MGST1: variants seen among roughly 807,000 people sequenced by gnomAD.
MGST1 encodes glutathione S-transferase 12.
Under a neutral mutation model 8.9 loss-of-function variants are expected in MGST1, and 5 were observed. The observed-to-expected ratio is 0.56, with a 90% CI of 0.29 to 1.19. The LOEUF is 1.19. Ranked by LOEUF, MGST1 falls within the 50% of genes most tolerant of loss-of-function variation. The pLI is 0.08. For missense variants in MGST1, 182 were observed against 187.4 expected, an observed-to-expected ratio of 0.97 and a Z score of 0.17; for synonymous variants, 54 against 67.8, an observed-to-expected ratio of 0.80 and a Z score of 1.00.
Position 16,560,554 on chromosome 12 carries a change from T to C in MGST1, n.483-28974T>C. 1 of 647,478 alleles carries C rather than the reference T, an allele frequency of 1.5e-6. No individual in the cohort carries two copies. Among genetic ancestry groups the C allele is most frequent in the Non-Finnish European group, 2.0e-6 (1 of 487,970 alleles). 40.1% of individuals were successfully genotyped at this position (647,478 alleles called of 1,614,324 possible). On this transcript the variant is annotated intron_variant and non_coding_transcript_variant, in intron 4 of 4. Coordinates refer to the MGST1 transcript ENST00000538857. This position sits in a 1 kb window ranked among gnomAD's most constrained non-coding sequence, Gnocchi z 5.0. ...ACCAAAGAGCCTAGAATAAGAAACATTTTTTTTTTTTTACAAACTCTTACA... is the reference window on the plus strand; with the variant it reads ...ACCAAAGAGCCTAGAATAAGAAACACTTTTTTTTTTTTACAAACTCTTACA...
chr12:16,563,069 G>A (rs1942457981), intron 4 of MGST1, among the ~76,000 whole-genome samples: 1 of 151,728 alleles, frequency 6.6e-6, no homozygotes, highest in Non-Finnish European at 1.5e-5. Context: ...CTGCCTCGCT[G>A]GAGGCTCCAT....
intron 4 of MGST1, among the ~76,000 whole-genome samples, chr12:16,471,727 G>A (rs1311712268): frequency 6.6e-6 from 1 of 152,170 alleles, no homozygotes; most frequent in Non-Finnish European, 1.5e-5. Context: ...GATAGTAGAA[G>A]AAAAATTCTA....
At chr12:16,357,154 G>A (rs1447999969) in intron 2 of MGST1, among the ~76,000 whole-genome samples, 1 of 152,020 alleles carries the variant, frequency 6.6e-6, no homozygotes, top group Non-Finnish European at 1.5e-5. Flanking sequence ...TTCTCCTCTT[G>A]TGTTTGATTT....
rs1354559625 is a variant in MGST1, at chr12:16,537,748, G to C, written n.483-51780G>C. Reference sequence around the variant, plus strand: ...TGTACCTTGGCCACTTTTAACAACAGCTGGAGCAGCTGGGATGCAGGGCAC... The same window carrying C: ...TGTACCTTGGCCACTTTTAACAACACCTGGAGCAGCTGGGATGCAGGGCAC... On this transcript the variant is annotated intron_variant and non_coding_transcript_variant, in intron 4 of 4. Coordinates refer to the MGST1 transcript ENST00000538857. This position sits in a 1 kb window ranked among gnomAD's most constrained non-coding sequence, Gnocchi z 4.6. Among the ~76,000 whole-genome samples, 3 of 152,192 alleles carry C rather than the reference G, an allele frequency of 2.0e-5. No homozygotes were observed. Among genetic ancestry groups the C allele is most frequent in the African/African-American group, 7.2e-5 (3 of 41,460 alleles).
At chr12:16,551,979 C>G (rs1399294699) in intron 4 of MGST1, among the ~76,000 whole-genome samples, 1 of 151,902 alleles carries the variant, frequency 6.6e-6, no homozygotes, top group Admixed American at 6.6e-5. Context: ...TAGAGCACTT[C>G]CAATTCAACC....
intron 1 of MGST1, among the ~76,000 whole-genome samples, chr12:16,433,848 C>G (rs1940960607): frequency 6.6e-6 from 1 of 152,082 alleles, no homozygotes; most frequent in Admixed American, 6.6e-5. Context: ...ATGTATGTTT[C>G]TACCTCTCTT....
intron 4 of MGST1, among the ~76,000 whole-genome samples, chr12:16,502,897 C>T (rs1181021466): frequency 2.0e-5 from 3 of 152,168 alleles, no homozygotes; most frequent in Non-Finnish European, 4.4e-5. Flanking sequence ...CATGTCTTGC[C>T]ACTTTCAATC....
intron 4 of MGST1, among the ~76,000 whole-genome samples, chr12:16,501,850 T>C (rs1941507621): frequency 6.6e-6 from 1 of 152,276 alleles, no homozygotes; most frequent in South Asian, 2.1e-4. Context: ...ATCATTACTT[T>C]ATATGATATC....
At chr12:16,402,705 C>G (rs1262941317) in intron 1 of MGST1, among the ~76,000 whole-genome samples, 1 of 151,844 alleles carries the variant, frequency 6.6e-6, no homozygotes, top group Non-Finnish European at 1.5e-5. Flanking sequence ...CATTTACTTT[C>G]ACCTTCTCAG....
chr12:16,425,418 G>A (rs1382101614), intron 1 of MGST1, among the ~76,000 whole-genome samples: 1 of 152,048 alleles, frequency 6.6e-6, no homozygotes, highest in Non-Finnish European at 1.5e-5. Flanking sequence ...CAAGTAGTGA[G>A]ATTACAGATG....
At chr12:16,572,762 A>T (rs1278787203) in intron 4 of MGST1, among the ~76,000 whole-genome samples, 2 of 150,094 alleles carry the variant, frequency 1.3e-5, no homozygotes, top group East Asian at 3.9e-4. Flanking sequence ...AATAAACTAA[A>T]TATTTTTGTA....
intron 4 of MGST1, among the ~76,000 whole-genome samples, chr12:16,489,672 G>A (rs531507252): frequency 2.6e-5 from 4 of 152,300 alleles, no homozygotes; most frequent in Middle Eastern, 3.4e-3. Flanking sequence ...GAGATTAAAT[G>A]TCTTGTTGAA....
intron 4 of MGST1, among the ~76,000 whole-genome samples, chr12:16,562,697 C>T (rs539232298): frequency 3.3e-5 from 5 of 152,226 alleles, no homozygotes; most frequent in Non-Finnish European, 7.3e-5. Flanking sequence ...GCCTGCTATA[C>T]TGTGAACAAC....
intron 3 of MGST1, among the ~76,000 whole-genome samples, chr12:16,358,523 A>G (rs946301983): frequency 2.0e-5 from 3 of 151,456 alleles, no homozygotes; most frequent in South Asian, 2.1e-4. Flanking sequence ...CTGGAGTGCA[A>G]TGGTGTGATC....
chr12:16,477,501 T>G (rs1365073062), intron 4 of MGST1, among the ~76,000 whole-genome samples: 2 of 152,196 alleles, frequency 1.3e-5, no homozygotes, highest in African/African-American at 4.8e-5. Context: ...CAAAACAGAT[T>G]AATACAAATG....
rs1258164823 is a variant in MGST1, at chr12:16,517,304, A to G, written n.483-72224A>G. 2.0e-5 allele frequency among the ~76,000 whole-genome samples: 3 copies of G among 152,208 alleles called. No individual in the cohort carries two copies. In the East Asian group the frequency reaches 5.8e-4, roughly 29 times the overall value. ...AATAGTGTCAAGAGGTGGAAGCTTT[A>G]AAAGGTGATTAAGTCATAAGTTCTC... On this transcript the variant is annotated intron_variant and non_coding_transcript_variant, in intron 4 of 4. Transcript: ENST00000538857. This position sits in a 1 kb window ranked among gnomAD's most constrained non-coding sequence, Gnocchi z 4.2.
intron 1 of MGST1, among the ~76,000 whole-genome samples, chr12:16,387,557 C>T (rs6488843): frequency 0.37 from 55,463 of 148,962 alleles, 11,410 homozygotes; most frequent in East Asian, 0.57. Context: ...GATGGAGTCT[C>T]GCTCTGTTGC....
rs1440082984 is a variant in MGST1 at position 16,585,297 on chromosome 12, G to A, written n.483-4231G>A. Among the ~76,000 whole-genome samples, 1 of 152,004 alleles carries A rather than the reference G, an allele frequency of 6.6e-6. No individual in the cohort carries two copies. Among genetic ancestry groups the A allele is most frequent in the Non-Finnish European group, 1.5e-5 (1 of 68,012 alleles). On this transcript the variant is annotated intron_variant and non_coding_transcript_variant, in intron 4 of 4. Coordinates refer to the MGST1 transcript ENST00000538857. The surrounding 1 kb of genome is among the most constrained non-coding windows in gnomAD (Gnocchi z 4.7). ...GTATCATGGTAGAAAACAAGTTATT[G>A]ATTACTGCTTCAAGAAAAAGGATTT... is the stretch of plus-strand genomic sequence containing the variant.
chr12:16,530,365 A>G (rs2051326956), intron 4 of MGST1, among the ~76,000 whole-genome samples: 1 of 152,102 alleles, frequency 6.6e-6, no homozygotes, highest in South Asian at 2.1e-4. Flanking sequence ...TTTGCACACT[A>G]CTGGTATCTC....
Sources: gnomAD v4.1 joint callset for allele counts (sites outside exome capture counted in the v4.1 genomes callset) on GRCh38, gnomAD v4.1.1 for gene constraint, Gnocchi (gnomAD v3.1) non-coding constraint, MANE v1.5 for transcripts, NCBI Gene and HGNC (gene_info 2026-07-23, HGNC 2026-07-21) for gene names.